The following RPL18 variants were observed in gnomAD, a reference collection of about 807,000 sequenced individuals.
RPL18 encodes ribosomal protein L18, also known as large ribosomal subunit protein eL18.
In RPL18, 4 loss-of-function variants were observed where a neutral mutation model predicts 25.0. That is an observed-to-expected ratio of 0.16 (90% CI 0.08 to 0.37). The LOEUF (loss-of-function observed/expected upper bound fraction) is 0.37, where lower values mean the gene tolerates loss of function less well. RPL18 is among the 10% of genes least tolerant of loss of function. The probability of loss-of-function intolerance (pLI) is 1.00; values close to 1 mark genes in which losing one functional copy is unlikely to be tolerated. For synonymous variants in RPL18, 129 were observed against 101.6 expected (o/e 1.27, Z -1.62); for missense variants, 179 against 267.9 (o/e 0.67, Z 2.32).
intron 1 of RPL18, chr19:48,618,813 T>A (rs1004113506): frequency 4.8e-6 from 2 of 415,842 alleles, no homozygotes; most frequent in African/African-American, 4.1e-5. Context: ...AAGTGACAGG[T>A]CCAGATAAAG....
chr19:48,616,151 C>G lies in RPL18; in HGVS notation c.349G>C (p.Gly117Arg). ...SRARSRILRA[G>R]GKILTFDQLA... ...TGGTCGAAAGTGAGGATCTTGCCCC[C>G]TGCCCTGAGGATGCGGCTGCGGGCC... Residue 117 changes from glycine to arginine, a missense_variant, in exon 5 of 7, where the codon GGG (glycine) becomes CGG (arginine). By Grantham distance (125) the Gly-to-Arg change is moderately radical. Transcript: ENST00000549920. 1 of 1,614,164 alleles carries G rather than the reference C, an allele frequency of 6.2e-7. No homozygotes were observed. Among genetic ancestry groups the G allele is most frequent in the Non-Finnish European group, 8.5e-7 (1 of 1,180,036 alleles).
chr19:48,618,996 G>A (rs1974285655), intron 1 of RPL18, 145 bp downstream of exon 1: 3 of 826,276 alleles, frequency 3.6e-6, no homozygotes, highest in Admixed American at 2.2e-5. Context: ...CTGCTTTCCT[G>A]GCCCCCAGAG....
intron 4 of RPL18, 100 bp downstream of exon 4, chr19:48,616,626 G>C (rs1404459037): frequency 1.1e-6 from 1 of 897,386 alleles, no homozygotes; most frequent in Non-Finnish European, 1.9e-6. Context: ...ACCAGCGGTG[G>C]CAAGACTGAG....
At chr19:48,617,584 C>A (rs1974215075) in intron 2 of RPL18, 161 bp from the exon 3 acceptor site, 2 of 698,586 alleles carry the variant, frequency 2.9e-6, no homozygotes, top group Admixed American at 5.6e-5. Context: ...CCTTCCTGGC[C>A]AAGGACCTAG....
chr19:48,617,779 G>A lies in RPL18; in HGVS notation c.90+12C>T, dbSNP rs1422769421. The A allele has an allele frequency of 1.2e-6, 2 of 1,609,972 alleles. No individual in the cohort carries two copies. Among genetic ancestry groups the A allele is most frequent in the East Asian group, 2.2e-5 (1 of 44,858 alleles). ...GGTGACCCTTCCCAAAGACCTCAGG[G>A]CCCAGCCTCACCTTGACCAACAGCC... is the stretch of plus-strand genomic sequence containing the variant. On this transcript the variant is annotated intron_variant, in intron 2 of 6. Transcript: ENST00000549920.
chr19:48,618,909 C>T (rs1414225849), intron 1 of RPL18: 6 of 564,948 alleles, frequency 1.1e-5, no homozygotes, highest in African/African-American at 3.8e-5. Context: ...GCTTTGTAAA[C>T]CCAGTCATAT....
At chr19:48,616,308 C>G in intron 4 of RPL18, 106 bp from the exon 5 acceptor site, 1 of 1,463,254 alleles carries the variant, frequency 6.8e-7, no homozygotes, top group East Asian at 2.3e-5. Flanking sequence ...TGGTAACCAA[C>G]ACTATCGTTT....
At position 48,616,062 on chromosome 19, in the gene RPL18, G is replaced by A. The variant is rs377412422; in HGVS notation, c.421+17C>T. 414 of 1,614,066 alleles carry A rather than the reference G, an allele frequency of 2.6e-4. No homozygotes were observed. The African/African-American group carries it at 4.2e-3, about 16-fold the overall frequency. On this transcript the variant is annotated intron_variant, in intron 5 of 6. Transcript: ENST00000549920. The stretch of plus-strand genomic sequence containing the variant: ...CCACACAGCTCAGTCCAAACCCGTC[G>A]ACCACGTATCACTCACCGGAGAGCA...
chr19:48,616,639 T>TGGACCAGCACAGCAC (rs780340056), intron 4 of RPL18, 87 bp downstream of exon 4: 3 of 735,912 alleles, frequency 4.1e-6, no homozygotes, highest in African/African-American at 4.6e-5. Context: ...AGACTGAGGA[T>TGGACCAGCACAGCAC]GGACCAGCAC....
intron 2 of RPL18, 135 bp downstream of exon 2, chr19:48,617,656 G>C (rs2147657576): frequency 2.8e-6 from 2 of 716,316 alleles, no homozygotes; most frequent in Non-Finnish European, 2.4e-6. Flanking sequence ...AAATGCAGGA[G>C]ACCCTGGAAC....
intron 6 of RPL18, 67 bp from the exon 7 acceptor site, chr19:48,615,514 A>C (rs1974141290): frequency 2.5e-6 from 3 of 1,192,080 alleles, no homozygotes; most frequent in African/African-American, 3.0e-5. Flanking sequence ...TGGCACAGGA[A>C]CACCACAAGC....
chr19:48,615,823 T>A (rs1024686202), intron 6 of RPL18, 54 bp downstream of exon 6: 1 of 1,499,438 alleles, frequency 6.7e-7, no homozygotes, highest in African/African-American at 1.4e-5. Context: ...TGGCCAGGCC[T>A]GGCCCTGCAG....
chr19:48,616,564 G>A (rs1169390164), intron 4 of RPL18, 162 bp downstream of exon 4: 7 of 724,148 alleles, frequency 9.7e-6, no homozygotes, highest in African/African-American at 1.7e-5. Flanking sequence ...CCATGCCAGA[G>A]ACGACCCACA....
At position 48,617,445 on chromosome 19, in the gene RPL18, G is replaced by A. The variant is rs758628640; in HGVS notation, c.91-22C>T. 5 of 1,562,364 alleles carry A rather than the reference G, an allele frequency of 3.2e-6. No homozygotes were observed. The East Asian group carries it at 1.1e-4, about 35-fold the overall frequency. ...ATAACTGGAGGGACGGGAAGACAGT[G>A]AGAAGCTGGGACAGCCTGCTCCCCC... On this transcript the variant is annotated intron_variant, in intron 2 of 6. Transcript: ENST00000549920.
intron 2 of RPL18, 74 bp from the exon 3 acceptor site, chr19:48,617,497 C>T: frequency 9.3e-7 from 1 of 1,077,544 alleles, no homozygotes; most frequent in South Asian, 1.3e-5. Flanking sequence ...GGGGCAAACA[C>T]ATGATGATCT....
At position 48,617,490 on chromosome 19, in the gene RPL18, G is replaced by A. The variant is rs371488647; in HGVS notation, c.91-67C>T. ...TCCCCCGCAGCCTTCCAGTGAAGGG[G>A]CAAACACATGATGATCTGGACTAAA... On this transcript the variant is annotated intron_variant, in intron 2 of 6. Transcript: ENST00000549920. 299 of 1,119,360 alleles carry A rather than the reference G, an allele frequency of 2.7e-4. 3 individuals carry two copies. In the East Asian group the frequency reaches 5.1e-3, roughly 19 times the overall value. The allele number at this position is 1,119,360 out of a possible 1,614,324, so 69.3% of individuals were successfully genotyped here.
At chr19:48,617,761 C>G in intron 2 of RPL18, 30 bp downstream of exon 2, 1 of 1,577,220 alleles carries the variant, frequency 6.3e-7, no homozygotes, top group Non-Finnish European at 8.7e-7. Flanking sequence ...TGGGGTGACC[C>G]TTCCCAAAGA....
chr19:48,616,849 G>A (rs200975795), intron 3 of RPL18, 25 bp from the exon 4 acceptor site: 17 of 1,566,926 alleles, frequency 1.1e-5, no homozygotes, highest in Admixed American at 1.7e-5. Flanking sequence ...GATGTACGTC[G>A]TAAGTTGTTC....
chr19:48,616,583 C>T (rs1326595671), intron 4 of RPL18, 143 bp downstream of exon 4: 1 of 756,994 alleles, frequency 1.3e-6, no homozygotes, highest in Non-Finnish European at 2.4e-6. Flanking sequence ...CACCAATCCT[C>T]AAAGCCACTC....
Sources: allele counts gnomAD v4.1 joint callset, GRCh38; gene constraint gnomAD v4.1.1; transcripts MANE v1.5; gene names NCBI Gene and HGNC (gene_info 2026-07-23, HGNC 2026-07-21).